Variants in CACNA1A observed in about 807,000 individuals in gnomAD.
CACNA1A encodes the protein voltage-dependent P/Q-type calcium channel subunit alpha-1A.
CACNA1A carries 57 observed loss-of-function variants against 262.4 expected under a neutral mutation model. That is an observed-to-expected ratio of 0.22 (90% CI 0.18 to 0.27). The LOEUF is 0.27. Ranked by LOEUF, CACNA1A falls within the 10% of genes least tolerant of loss-of-function variation. The pLI is 1.00. For synonymous variants in CACNA1A, 1,431 were observed against 1,419.3 expected (o/e 1.01, Z -0.18); for missense variants, 2,526 against 3,562.8 (o/e 0.71, Z 7.41).
At chr19:13,470,838 T>C (rs1481858239) in intron 1 of CACNA1A, among the ~76,000 whole-genome samples, 1 of 152,216 alleles carries the variant, frequency 6.6e-6, no homozygotes, top group East Asian at 1.9e-4. Flanking sequence ...GTCTTAGCAA[T>C]AGCTATACCA....
Position 13,208,906 on chromosome 19 carries a change from G to A in CACNA1A, c.6630C>T (p.His2210=). Residue 2210 remains histidine, a synonymous_variant, in exon 46 of 47, where the codon CAC becomes CAT. Coordinates refer to ENST00000360228, the MANE Select transcript of CACNA1A (RefSeq NM_001127222.2). ...GGTGGTGGTGGTGGTGGTGGTGGTG[G>A]TGCTGTCGATGCTTCCGATCCTTGG... ...GRPKDRKHRQ[H]HHHHHHHHHP... The A allele has an allele frequency of 6.5e-7, 1 of 1,536,706 alleles. No homozygotes were observed. The highest frequency in any genetic ancestry group is 2.4e-5 in the East Asian group (1 of 40,902).
chr19:13,225,651 G>C (rs1156788645), intron 37 of CACNA1A: 3 of 152,000 alleles, frequency 2.0e-5, no homozygotes, highest in Non-Finnish European at 4.4e-5. Context: ...GACACAAGTG[G>C]GCAGGAAACA....
chr19:13,391,442 G>A (rs1310173736), intron 3 of CACNA1A, among the ~76,000 whole-genome samples: 1 of 152,088 alleles, frequency 6.6e-6, no homozygotes, highest in Non-Finnish European at 1.5e-5. Flanking sequence ...TGAACAAAAG[G>A]ACATGTTTCT....
At chr19:13,240,349 G>A (rs1380634955) in intron 31 of CACNA1A, among the ~76,000 whole-genome samples, 1 of 151,838 alleles carries the variant, frequency 6.6e-6, no homozygotes, top group African/African-American at 2.4e-5. Context: ...GTGTGTGCAT[G>A]CATAGTGGCT....
At chr19:13,409,863 C>T (rs895400161) in intron 3 of CACNA1A, among the ~76,000 whole-genome samples, 1 of 152,132 alleles carries the variant, frequency 6.6e-6, no homozygotes, top group African/African-American at 2.4e-5. Flanking sequence ...CCACTGCACT[C>T]GGTCTACCCA....
intron 1 of CACNA1A, among the ~76,000 whole-genome samples, chr19:13,496,590 C>T (rs1435956614): frequency 1.3e-5 from 2 of 152,150 alleles, no homozygotes; most frequent in Non-Finnish European, 2.9e-5. Flanking sequence ...TTCTCCTTGG[C>T]TTATATATTG....
At chr19:13,446,090 T>TA (rs889613785) in intron 3 of CACNA1A, among the ~76,000 whole-genome samples, 16 of 151,658 alleles carry the variant, frequency 1.1e-4, no homozygotes, top group Non-Finnish European at 1.8e-4. Context: ...GTCTGGCTGA[T>TA]AGTGTGAAAC....
At chr19:13,392,220 G>T (rs1471592175) in intron 3 of CACNA1A, among the ~76,000 whole-genome samples, 3 of 151,500 alleles carry the variant, frequency 2.0e-5, no homozygotes, top group Non-Finnish European at 4.4e-5. Flanking sequence ...CAAAAAAAAA[G>T]AAAAGAAAAG....
At chr19:13,460,941 C>T (rs966004072) in intron 1 of CACNA1A, among the ~76,000 whole-genome samples, 1 of 152,090 alleles carries the variant, frequency 6.6e-6, no homozygotes, top group South Asian at 2.1e-4. Context: ...GTCTCTCCCA[C>T]GAGACTGCAC....
At chr19:13,401,722 C>T (rs1468239365) in intron 3 of CACNA1A, among the ~76,000 whole-genome samples, 1 of 152,070 alleles carries the variant, frequency 6.6e-6, no homozygotes, top group Non-Finnish European at 1.5e-5. Flanking sequence ...CCTTGGAAGC[C>T]ACATGTTTAA....
At position 13,393,809 on chromosome 19, in the gene CACNA1A, C is replaced by CCTCT. The variant is rs150142387; in HGVS notation, c.540-22034_540-22031dup. 1.1e-3 allele frequency among the ~76,000 whole-genome samples: 113 copies of CCTCT among 102,628 alleles called. 1 individual carries two copies. The highest frequency in any genetic ancestry group is 3.3e-3 in the African/African-American group (93 of 28,494). The allele number at this position is 102,628 out of a possible 152,430, so 67.3% of individuals were successfully genotyped here. A position where few individuals can be genotyped will look rare whatever the true frequency, so the allele number is the denominator to read the frequency against. On this transcript the variant is annotated intron_variant, in intron 3 of 46. Coordinates refer to ENST00000360228, the MANE Select transcript of CACNA1A (RefSeq NM_001127222.2). ...TCCTTCCTTCCTTCCCTCCCTCCTT[C>CCTCT]CTCTCTCTCTCTCTCTCTCTCTCTC...
At chr19:13,228,233 C>A (rs1161228847) in intron 36 of CACNA1A, among the ~76,000 whole-genome samples, 1 of 151,530 alleles carries the variant, frequency 6.6e-6, no homozygotes, top group Non-Finnish European at 1.5e-5. Flanking sequence ...ACAGTTGGGT[C>A]ACGTTCTCTG....
chr19:13,224,486 C>CA lies in CACNA1A; in HGVS notation c.5731+180dup, dbSNP rs71168691. On this transcript the variant is annotated intron_variant, in intron 38 of 46. Transcript: ENST00000360228. ...TGGGCAACAGAGCAAGACTCTGTCT[C>CA]AAAAAAAAAAAAAAAAAAACACCAA... Among the ~76,000 whole-genome samples, 714 of 113,188 alleles carry CA rather than the reference C, an allele frequency of 6.3e-3. 4 individuals carry two copies. The highest frequency in any genetic ancestry group is 0.018 in the East Asian group (49 of 2,732). 74.3% of individuals were successfully genotyped at this position (113,188 alleles called of 152,430 possible).
At chr19:13,234,336 C>A (rs1185077715) in intron 34 of CACNA1A, among the ~76,000 whole-genome samples, 1 of 111,776 alleles carries the variant, frequency 8.9e-6, no homozygotes, top group African/African-American at 3.5e-5. Context: ...GGGAACAGAG[C>A]GAGACTCCAT....
chr19:13,383,464 C>A (rs1437106542), intron 3 of CACNA1A, among the ~76,000 whole-genome samples: 1 of 152,190 alleles, frequency 6.6e-6, no homozygotes, highest in Non-Finnish European at 1.5e-5. Flanking sequence ...TAGTTAAAAT[C>A]TTCCAATGGC....
chr19:13,318,500 C>T (rs2058176305), intron 10 of CACNA1A, among the ~76,000 whole-genome samples: 1 of 151,898 alleles, frequency 6.6e-6, no homozygotes, highest in Non-Finnish European at 1.5e-5. Context: ...AGGGATGGAA[C>T]CTGATTTGGG....
At chr19:13,456,124 T>G (rs1188319467) in intron 1 of CACNA1A, among the ~76,000 whole-genome samples, 1 of 151,752 alleles carries the variant, frequency 6.6e-6, no homozygotes, top group Admixed American at 6.6e-5. Context: ...CACTCTAGCC[T>G]GGGCAACAGA....
chr19:13,350,875 G>T (rs776791028), intron 6 of CACNA1A, among the ~76,000 whole-genome samples: 4 of 152,136 alleles, frequency 2.6e-5, no homozygotes, highest in Non-Finnish European at 5.9e-5. Flanking sequence ...GATGGTATGT[G>T]CTTACAGCCC....
intron 3 of CACNA1A, among the ~76,000 whole-genome samples, chr19:13,372,216 C>T (rs978199614): frequency 6.6e-6 from 1 of 151,860 alleles, no homozygotes; most frequent in Admixed American, 6.6e-5. Flanking sequence ...GGCTGGAGTG[C>T]GATCTCCAAT....
Sources: allele counts gnomAD v4.1 joint callset (sites outside exome capture counted in the v4.1 genomes callset), GRCh38; gene constraint gnomAD v4.1.1; transcripts MANE v1.5; gene names NCBI Gene and HGNC (gene_info 2026-07-23, HGNC 2026-07-21).